EPC1: variants seen among roughly 807,000 people sequenced by gnomAD.
The protein encoded by EPC1 is enhancer of polycomb 1, also known as enhancer of polycomb homolog 1.
In EPC1, 12 loss-of-function variants were observed where a neutral mutation model predicts 98.4. That is an observed-to-expected ratio of 0.12 (90% CI 0.08 to 0.20). The LOEUF (loss-of-function observed/expected upper bound fraction) is 0.20, where lower values mean the gene tolerates loss of function less well. EPC1 is among the 10% of genes least tolerant of loss of function. EPC1 has a pLI of 1.00. For synonymous variants in EPC1, 357 were observed against 363.9 expected, an observed-to-expected ratio of 0.98 and a Z score of 0.21; for missense variants, 729 against 990.5, an observed-to-expected ratio of 0.74 and a Z score of 3.54.
chr10:32,302,267 C>T (rs1299644523), intron 2 of EPC1, among the ~76,000 whole-genome samples: 1 of 151,724 alleles, frequency 6.6e-6, no homozygotes, highest in Admixed American at 6.6e-5. Flanking sequence ...TTTTCCAAGT[C>T]ATATATCTGA....
chr10:32,315,406 A>G (rs1443022013), intron 1 of EPC1, among the ~76,000 whole-genome samples: 1 of 152,218 alleles, frequency 6.6e-6, no homozygotes, highest in Non-Finnish European at 1.5e-5. Context: ...TCATTTATTC[A>G]TTAAATTTTT....
At chr10:32,356,478 C>T (rs1839280633) in intron 1 of EPC1, among the ~76,000 whole-genome samples, 1 of 151,890 alleles carries the variant, frequency 6.6e-6, no homozygotes, top group African/African-American at 2.4e-5. Flanking sequence ...CTAGAAGATA[C>T]CCAGGACAAG....
At chr10:32,348,486 T>A (rs539537489), upstream of EPC1, among the ~76,000 whole-genome samples, 4 of 152,350 alleles carry the variant, frequency 2.6e-5, no homozygotes, top group East Asian at 7.7e-4. Flanking sequence ...GAGCTGTCAC[T>A]AGCTTAGGGC....
upstream of EPC1, among the ~76,000 whole-genome samples, chr10:32,352,042 ATTTTTTTTT>A (rs35657158): frequency 2.1e-5 from 2 of 93,474 alleles, no homozygotes; most frequent in African/African-American, 4.2e-5. Context: ...AGCCATATTG[ATTTTTTTTT>A]TTTTTTTTTT....
intron 6 of EPC1, among the ~76,000 whole-genome samples, 170 bp downstream of exon 6, chr10:32,290,993 T>G (rs1216026198): frequency 2.6e-5 from 4 of 152,108 alleles, no homozygotes; most frequent in Non-Finnish European, 5.9e-5. Context: ...GTCAGGCTGG[T>G]CCCGAACTCC....
At chr10:32,378,004 G>A (rs887907407) in intron 1 of EPC1, among the ~76,000 whole-genome samples, 3 of 151,946 alleles carry the variant, frequency 2.0e-5, no homozygotes, top group Non-Finnish European at 2.9e-5. Context: ...ATATAAACCC[G>A]GTTATGTCAA....
chr10:32,377,885 C>T (rs1244759864), intron 1 of EPC1, among the ~76,000 whole-genome samples: 1 of 151,984 alleles, frequency 6.6e-6, no homozygotes, highest in Non-Finnish European at 1.5e-5. Flanking sequence ...ACAAGATAGA[C>T]CTGCAAAGAT....
chr10:32,350,496 G>A (rs936602125), upstream of EPC1, among the ~76,000 whole-genome samples: 1 of 152,290 alleles, frequency 6.6e-6, no homozygotes, highest in African/African-American at 2.4e-5. Context: ...ACATTCATGG[G>A]GGAACGCAAC....
At chr10:32,365,139 T>C (rs1839563018) in intron 1 of EPC1, among the ~76,000 whole-genome samples, 1 of 152,168 alleles carries the variant, frequency 6.6e-6, no homozygotes, top group African/African-American at 2.4e-5. Flanking sequence ...AGTTAGTAAT[T>C]GGTGACACTT....
At chr10:32,356,180 A>G (rs1248666964) in intron 1 of EPC1, among the ~76,000 whole-genome samples, 1 of 152,172 alleles carries the variant, frequency 6.6e-6, no homozygotes, top group African/African-American at 2.4e-5. Context: ...GAGGAAGGAA[A>G]TTCTGTTTTC....
Position 32,286,998 on chromosome 10 carries a change from C to T in EPC1, c.1170G>A (p.Ser390=), listed in dbSNP as rs764768813. ...EPLSQVLSGS[S]EAEEDNDPDG... is the part of the protein sequence containing the mutation. ...CAGGATCATTGTCTTCCTCAGCTTCCGAAGAGCCAGACAAAACCTTTAAAT... is the reference window on the plus strand; with the variant it reads ...CAGGATCATTGTCTTCCTCAGCTTCTGAAGAGCCAGACAAAACCTTTAAAT... The change falls in exon 8 of 14, where the codon TCG becomes TCA. Residue 390 remains serine (S), a synonymous_variant. Transcript: ENST00000319778. 15 of 1,613,904 alleles carry T rather than the reference C, an allele frequency of 9.3e-6. No individual in the cohort carries two copies. In the Admixed American group the frequency reaches 1.2e-4, roughly 13 times the overall value.
chr10:32,290,483 CAAAAAAAA>C (rs57193296), intron 6 of EPC1, among the ~76,000 whole-genome samples: 171 of 40,158 alleles, frequency 4.3e-3, no homozygotes, highest in Middle Eastern at 0.016. Context: ...AAGACTCTGT[CAAAAAAAA>C]AAAAAAAAAA....
intron 1 of EPC1, chr10:32,377,293 A>G (rs1000174163): frequency 4.6e-5 from 7 of 152,230 alleles, no homozygotes; most frequent in African/African-American, 1.4e-4. Context: ...GGAGAAACTT[A>G]GAATAGTTAT....
At chr10:32,275,834 G>A (rs1836060605) in intron 10 of EPC1, among the ~76,000 whole-genome samples, 1 of 151,898 alleles carries the variant, frequency 6.6e-6, no homozygotes, top group Admixed American at 6.6e-5. Context: ...CTACTCAGGG[G>A]GCTGAGGCAG....
intron 2 of EPC1, among the ~76,000 whole-genome samples, chr10:32,295,972 G>A (rs895298411): frequency 3.3e-5 from 5 of 151,222 alleles, no homozygotes; most frequent in African/African-American, 4.9e-5. Flanking sequence ...CACCCAGGCT[G>A]GAGTGCAGTG....
rs571256390 is a variant in EPC1 at position 32,268,084 on chromosome 10, T to G, written c.*979A>C. 6.6e-6 allele frequency: 1 copy of G among 152,308 alleles called. No homozygotes were observed. The highest frequency in any genetic ancestry group is 2.1e-4 in the South Asian group (1 of 4,826). 9.4% of individuals were successfully genotyped at this position (152,308 alleles called of 1,614,324 possible). A position where few individuals can be genotyped will look rare whatever the true frequency, so the allele number is the denominator to read the frequency against. On this transcript the variant is annotated 3_prime_UTR_variant, in exon 14 of 14. Coordinates refer to ENST00000319778, the MANE Select transcript of EPC1 (RefSeq NM_001272004.3). ...CTGCATTCTTCTCCCTTATATCCTT[T>G]TCGTAAGAACAAGTAAAGAATGAAG...
intron 1 of EPC1, among the ~76,000 whole-genome samples, chr10:32,327,162 G>A (rs1395176674): frequency 2.0e-5 from 3 of 151,800 alleles, no homozygotes; most frequent in African/African-American, 7.3e-5. Context: ...GATGAGCCTA[G>A]GAGATACTAT....
chr10:32,312,538 T>C (rs1435399108), intron 1 of EPC1, among the ~76,000 whole-genome samples: 1 of 152,164 alleles, frequency 6.6e-6, no homozygotes, highest in Admixed American at 6.5e-5. Flanking sequence ...TACCATCCTC[T>C]GAAAGGCCAT....
At chr10:32,356,927 G>A (rs1051025053) in intron 1 of EPC1, among the ~76,000 whole-genome samples, 4 of 152,166 alleles carry the variant, frequency 2.6e-5, no homozygotes, top group South Asian at 2.1e-4. Context: ...CTTGCAGTGA[G>A]CTGAGATCGC....
Sources: gnomAD v4.1 joint callset for allele counts (sites outside exome capture counted in the v4.1 genomes callset) on GRCh38, gnomAD v4.1.1 for gene constraint, MANE v1.5 for transcripts, NCBI Gene and HGNC (gene_info 2026-07-23, HGNC 2026-07-21) for gene names.